The following RHPN1 variants were observed in gnomAD, a reference collection of about 807,000 sequenced individuals.
RHPN1 encodes rhophilin Rho GTPase binding protein 1, also known as rhophilin-1.
RHPN1 carries 77 observed loss-of-function variants against 74.7 expected under a neutral mutation model. The ratio of observed to expected loss-of-function variants is 1.03; its 90% CI spans 0.86 to 1.25. RHPN1 has a LOEUF of 1.25. RHPN1 is among the 50% of genes most tolerant of loss of function. The pLI is 0.00. For synonymous variants in RHPN1, 444 were observed against 414.5 expected (o/e 1.07, Z -0.87); for missense variants, 987 against 932.2 (o/e 1.06, Z -0.77).
At chr8:143,374,631 C>T (rs1373329630) in intron 1 of RHPN1, among the ~76,000 whole-genome samples, 1 of 152,174 alleles carries the variant, frequency 6.6e-6, no homozygotes, top group African/African-American at 2.4e-5. Context: ...ATAATCTTGT[C>T]CGGGTGGAGA....
intron 7 of RHPN1, 116 bp from the exon 8 acceptor site, chr8:143,379,199 C>A: frequency 2.2e-6 from 3 of 1,375,424 alleles, no homozygotes; most frequent in Non-Finnish European, 1.9e-6. Context: ...GGGGAGTGAG[C>A]ACATCAGGTC....
In RHPN1 at chr8:143,376,653, G is replaced by T; in HGVS notation, c.305G>T (p.Ser102Ile). 1.9e-6 allele frequency: 3 copies of T among 1,564,170 alleles called. No individual in the cohort carries two copies. The highest frequency in any genetic ancestry group is 1.7e-6 in the Non-Finnish European group (2 of 1,154,626). ...SGGVDPGRHG[S>I]EAVTVPMIPL... ...GGCGTGGACCCTGGCCGGCATGGGA[G>T]GTGCGGGTGGGGGCCGGGACAGCAC... Residue 102 changes from serine to isoleucine, a missense_variant and splice_region_variant, in exon 3 of 15, where the codon AGC becomes ATC. Ser to Ile is a moderately radical substitution (Grantham distance 142). Coordinates refer to ENST00000289013, the MANE Select transcript of RHPN1 (RefSeq NM_052924.3).
At chr8:143,375,149 G>A (rs1586812992) in intron 1 of RHPN1, among the ~76,000 whole-genome samples, 1 of 152,200 alleles carries the variant, frequency 6.6e-6, no homozygotes, top group East Asian at 1.9e-4. Flanking sequence ...GGCAAGGGGG[G>A]GATCCAGAAT....
intron 14 of RHPN1, 91 bp downstream of exon 14, chr8:143,382,059 A>C: frequency 7.7e-7 from 1 of 1,298,300 alleles, no homozygotes; most frequent in Non-Finnish European, 1.0e-6. Flanking sequence ...CAACATTGGG[A>C]AGGGGAGGTG....
At position 143,377,463 on chromosome 8, in the gene RHPN1, C is replaced by T; in HGVS notation, c.381+8C>T. 1 of 1,608,326 alleles carries T rather than the reference C, an allele frequency of 6.2e-7. No homozygotes were observed. The highest frequency in any genetic ancestry group is 8.5e-7 in the Non-Finnish European group (1 of 1,175,148). ...TGGTCTACACCGCTGAAGGTAGGTACTGGCCTCCAAGCTCTGAGATACACG... is the reference window on the plus strand; with the variant it reads ...TGGTCTACACCGCTGAAGGTAGGTATTGGCCTCCAAGCTCTGAGATACACG... On this transcript the variant is annotated splice_region_variant and intron_variant, in intron 4 of 14. Transcript: ENST00000289013.
intron 14 of RHPN1, among the ~76,000 whole-genome samples, 178 bp downstream of exon 14, chr8:143,382,146 G>C (rs1239018863): frequency 6.6e-6 from 1 of 152,200 alleles, no homozygotes; most frequent in Non-Finnish European, 1.5e-5. Flanking sequence ...GGCAGCTCTT[G>C]CCCTGACCCC....
At position 143,379,517 on chromosome 8, in the gene RHPN1, G is replaced by C; in HGVS notation, c.945+9G>C. The C allele has an allele frequency of 6.5e-7, 1 of 1,536,996 alleles. No homozygotes were observed. Among genetic ancestry groups the C allele is most frequent in the Non-Finnish European group, 8.8e-7 (1 of 1,139,622 alleles). On this transcript the variant is annotated intron_variant, in intron 8 of 14. Coordinates refer to ENST00000289013, the MANE Select transcript of RHPN1 (RefSeq NM_052924.3). ...CGCAGGAGGCCGCCCAGGTGAGCTC[G>C]GGCACCCGTGTCAGGATGCAGGGGG...
chr8:143,380,109 C>CAT lies in RHPN1; in HGVS notation c.1150_1151insAT (p.Pro384HisfsTer28). 6.4e-7 allele frequency: 1 copy of CAT among 1,551,922 alleles called. No individual in the cohort carries two copies. Among genetic ancestry groups the CAT allele is most frequent in the African/African-American group, 1.4e-5 (1 of 73,344 alleles). Reference sequence around the variant, plus strand: ...CACGCACGAGCAGGTCTTCCTGCAGCCCCCCACCTCCTCTAAGCCCCGAGG... The same window carrying CAT: ...CACGCACGAGCAGGTCTTCCTGCAGCATCCCCCACCTCCTCTAAGCCCCGAGG... On this transcript the variant is annotated frameshift_variant, in exon 10 of 15. Transcript: ENST00000289013. LOFTEE classifies it high-confidence loss of function.
At chr8:143,368,594 C>G (rs1320799550), upstream of RHPN1, 1 of 158,190 alleles carries the variant, frequency 6.3e-6, no homozygotes, top group Admixed American at 6.5e-5. Context: ...CCGAACTTCT[C>G]CCGCACGCTC....
upstream of RHPN1, among the ~76,000 whole-genome samples, chr8:143,364,273 CTTTTT>C (rs1473251131): frequency 2.0e-5 from 3 of 152,224 alleles, no homozygotes; most frequent in African/African-American, 4.8e-5. This position sits in a 1 kb window ranked among gnomAD's most constrained non-coding sequence, Gnocchi z 4.5. Context: ...ATATCCTTTT[CTTTTT>C]ATTTGCCAGA....
intron 10 of RHPN1, 101 bp from the exon 11 acceptor site, chr8:143,380,488 C>A: frequency 8.7e-7 from 1 of 1,150,854 alleles, no homozygotes; most frequent in Non-Finnish European, 1.2e-6. Flanking sequence ...ACGAAAGTGG[C>A]TGTGATGAGC....
At position 143,384,063 on chromosome 8, in the gene RHPN1, G is replaced by A. The variant is rs937104974; in HGVS notation, c.*1412G>A. On this transcript the variant is annotated 3_prime_UTR_variant, in exon 15 of 15. Transcript: ENST00000289013. ...AGGCGCCGCGGCGCGATCTTCCTGGGCAGGAGGGCAGGGCTCCCCAACCTG... is the reference window on the plus strand; with the variant it reads ...AGGCGCCGCGGCGCGATCTTCCTGGACAGGAGGGCAGGGCTCCCCAACCTG... The A allele has an allele frequency of 1.1e-4, 16 of 152,314 alleles. No individual in the cohort carries two copies. The highest frequency in any genetic ancestry group is 3.4e-3 in the Middle Eastern group (1 of 294). 9.4% of individuals were successfully genotyped at this position (152,314 alleles called of 1,614,324 possible). A position where few individuals can be genotyped will look rare whatever the true frequency, so the allele number is the denominator to read the frequency against.
At chr8:143,379,734 G>C (rs993842909) in intron 8 of RHPN1, 95 bp from the exon 9 acceptor site, 56 of 1,480,330 alleles carry the variant, frequency 3.8e-5, no homozygotes, top group Middle Eastern at 4.8e-4. Context: ...GAGGCTGCTG[G>C]GATGGTGGTC....
intron 3 of RHPN1, among the ~76,000 whole-genome samples, chr8:143,377,157 C>T (rs894599358): frequency 9.3e-5 from 14 of 150,758 alleles, no homozygotes; most frequent in Non-Finnish European, 1.2e-4. Flanking sequence ...TGTGTGTGCG[C>T]GCGCATGTGT....
At chr8:143,364,359 A>G (rs745905116), upstream of RHPN1, among the ~76,000 whole-genome samples, 21 of 151,322 alleles carry the variant, frequency 1.4e-4, no homozygotes, top group Non-Finnish European at 3.0e-4. This position sits in a 1 kb window ranked among gnomAD's most constrained non-coding sequence, Gnocchi z 4.5. Flanking sequence ...AAGCACACTC[A>G]GCACCCAGGA....
chr8:143,377,465 G>A lies in RHPN1; in HGVS notation c.381+10G>A, dbSNP rs1473276294. The A allele has an allele frequency of 3.1e-6, 5 of 1,607,304 alleles. No individual in the cohort carries two copies. The highest frequency in any genetic ancestry group is 4.3e-6 in the Non-Finnish European group (5 of 1,174,410). On this transcript the variant is annotated intron_variant, in intron 4 of 14. Coordinates refer to ENST00000289013, the MANE Select transcript of RHPN1 (RefSeq NM_052924.3). ...GTCTACACCGCTGAAGGTAGGTACTGGCCTCCAAGCTCTGAGATACACGGC... is the reference window on the plus strand; with the variant it reads ...GTCTACACCGCTGAAGGTAGGTACTAGCCTCCAAGCTCTGAGATACACGGC...
rs757952646 is a variant in RHPN1 at position 143,379,034 on chromosome 8, C to G, written c.707C>G (p.Thr236Ser). The change falls in exon 7 of 15, where the codon ACC becomes AGC. Residue 236 changes from threonine (T) to serine (S), a missense_variant. Thr to Ser is a moderately conservative substitution (Grantham distance 58). Coordinates refer to ENST00000289013, the MANE Select transcript of RHPN1 (RefSeq NM_052924.3). Reference protein sequence around the residue: ...QIGARQDRSCTEGARRAMEAF... With the variant: ...QIGARQDRSCSEGARRAMEAF... ...GGGGCGCGCCAGGACCGCTCCTGCA[C>G]CGAGGGTGCCCGCCGCGCTATGGAG... 168 of 1,544,570 alleles carry G rather than the reference C, an allele frequency of 1.1e-4. No homozygotes were observed. The highest frequency in any genetic ancestry group is 1.4e-4 in the Non-Finnish European group (162 of 1,144,770).
intron 5 of RHPN1, 33 bp downstream of exon 5, chr8:143,378,379 C>T: frequency 7.1e-7 from 1 of 1,415,374 alleles, no homozygotes; most frequent in Non-Finnish European, 9.5e-7. Context: ...CACCCTCCTG[C>T]AGCCCTGGGA....
intron 4 of RHPN1, 115 bp from the exon 5 acceptor site, chr8:143,378,154 C>T (rs1818410774): frequency 2.3e-6 from 2 of 885,570 alleles, no homozygotes; most frequent in Admixed American, 2.1e-5. Flanking sequence ...CCAGCCTGCT[C>T]TGCGGCACAG....
Sources: allele counts gnomAD v4.1 joint callset (sites outside exome capture counted in the v4.1 genomes callset), GRCh38; gene constraint gnomAD v4.1.1; non-coding constraint Gnocchi (gnomAD v3.1); transcripts MANE v1.5; gene names NCBI Gene and HGNC (gene_info 2026-07-23, HGNC 2026-07-21).